PALS1: variants seen among roughly 807,000 people sequenced by gnomAD.
The protein encoded by PALS1 is protein associated with LIN7 1, MAGUK p55 family member.
PALS1 carries 31 observed loss-of-function variants against 78.9 expected under a neutral mutation model. The ratio of observed to expected loss-of-function variants is 0.39; its 90% CI spans 0.30 to 0.53. The LOEUF (loss-of-function observed/expected upper bound fraction) is 0.53, where lower values mean the gene tolerates loss of function less well. PALS1 is among the 20% of genes least tolerant of loss of function. The pLI is 0.67. For missense variants in PALS1, 704 were observed against 826.5 expected, an observed-to-expected ratio of 0.85 and a Z score of 1.82; for synonymous variants, 276 against 270.9, an observed-to-expected ratio of 1.02 and a Z score of -0.18.
At chr14:67,277,626 A>T (rs899375037) in intron 2 of PALS1, among the ~76,000 whole-genome samples, 1 of 152,200 alleles carries the variant, frequency 6.6e-6, no homozygotes, top group Non-Finnish European at 1.5e-5. Flanking sequence ...ATTAGATTTA[A>T]TGTGTGGGTT....
chr14:67,318,903 AAAAAATT>A (rs2085218896), intron 11 of PALS1, among the ~76,000 whole-genome samples: 1 of 152,068 alleles, frequency 6.6e-6, no homozygotes, highest in South Asian at 2.1e-4. Context: ...TAAAAAATAC[AAAAAATT>A]AGCCAGGCGT....
chr14:67,330,154 AATTATT>A (rs766433142), intron 14 of PALS1, among the ~76,000 whole-genome samples: 4 of 105,728 alleles, frequency 3.8e-5, no homozygotes, highest in Non-Finnish European at 6.7e-5. Context: ...TAATAATAAT[AATTATT>A]ATTATTATTA....
chr14:67,328,013 G>A (rs1432439899), intron 14 of PALS1, among the ~76,000 whole-genome samples: 1 of 152,186 alleles, frequency 6.6e-6, no homozygotes, highest in Non-Finnish European at 1.5e-5. Context: ...TGGGATGGCT[G>A]GGTCAAATGG....
intron 14 of PALS1, among the ~76,000 whole-genome samples, chr14:67,328,843 G>C (rs1475574914): frequency 6.6e-6 from 1 of 152,186 alleles, no homozygotes; most frequent in East Asian, 1.9e-4. Flanking sequence ...CTGTATCTCT[G>C]TTTTGGTACC....
Position 67,279,257 on chromosome 14 carries a change from T to C in PALS1, c.87T>C (p.His29=). The change falls in exon 3 of 15, where the codon CAT becomes CAC. Residue 29 remains histidine (H), a synonymous_variant. Coordinates refer to ENST00000261681, the MANE Select transcript of PALS1 (RefSeq NM_022474.4). ...KNVDLASPEE[H]QKHREMAVDC... ...TTGATCTTGCATCACCAGAGGAACA[T>C]CAGAAGCACCGAGAGATGGCTGTTG... 1 of 1,613,606 alleles carries C rather than the reference T, an allele frequency of 6.2e-7. No homozygotes were observed.
At chr14:67,245,820 C>A (rs1453084097) in intron 1 of PALS1, among the ~76,000 whole-genome samples, 2 of 150,366 alleles carry the variant, frequency 1.3e-5, no homozygotes, top group Non-Finnish European at 2.9e-5. Context: ...AATATTGTAT[C>A]TAAGAACTCT....
chr14:67,272,410 T>C (rs1217523282), intron 2 of PALS1, among the ~76,000 whole-genome samples: 1 of 152,190 alleles, frequency 6.6e-6, no homozygotes, highest in Non-Finnish European at 1.5e-5. Context: ...GAAATGGGCA[T>C]ATTTGGATCT....
In PALS1 at chr14:67,323,795, G is replaced by A; in HGVS notation, c.1834G>A (p.Glu612Lys). ...AAGACTTCGGGCATTATTGGCCAAA[G>A]AAGGCAAGAATCCAAAGGTAAAGTT... is the stretch of plus-strand genomic sequence containing the variant. Reference protein sequence around the residue: ...QERLRALLAKEGKNPKPEELR... With the variant: ...QERLRALLAKKGKNPKPEELR... The change falls in exon 14 of 15, where the codon GAA becomes AAA. Residue 612 changes from glutamate (E) to lysine (K), a missense_variant. Transcript: ENST00000261681. 6.4e-7 allele frequency: 1 copy of A among 1,573,516 alleles called. No individual in the cohort carries two copies. Among genetic ancestry groups the A allele is most frequent in the Non-Finnish European group, 8.7e-7 (1 of 1,154,610 alleles).
chr14:67,328,988 A>G (rs1305653393), intron 14 of PALS1, among the ~76,000 whole-genome samples: 1 of 152,062 alleles, frequency 6.6e-6, no homozygotes, highest in South Asian at 2.1e-4. Context: ...TATGAACTTT[A>G]AAGTAGTTTT....
intron 14 of PALS1, among the ~76,000 whole-genome samples, chr14:67,328,399 T>G (rs944918519): frequency 2.0e-5 from 3 of 152,248 alleles, no homozygotes; most frequent in African/African-American, 7.2e-5. Context: ...GTCAGATGGG[T>G]AGATGGTAAA....
intron 8 of PALS1, among the ~76,000 whole-genome samples, chr14:67,308,878 G>C (rs1197443787): frequency 2.0e-5 from 3 of 151,852 alleles, no homozygotes; most frequent in Non-Finnish European, 1.5e-5. Context: ...CTTCTTGATT[G>C]GTTGAAAAAC....
rs983427947 is a variant in PALS1, at chr14:67,284,690, T to C, written c.367+5153T>C. On this transcript the variant is annotated intron_variant, in intron 3 of 14. Coordinates refer to ENST00000261681, the MANE Select transcript of PALS1 (RefSeq NM_022474.4). ...TGGCCCTTGACAACCACGAATATAC[T>C]TTCTTTTTGGATTTGCTTATTCTAG... Among the ~76,000 whole-genome samples the C allele has an allele frequency of 3.3e-5, 5 of 151,294 alleles. No homozygotes were observed. In the South Asian group the frequency reaches 1.0e-3, roughly 32 times the overall value.
chr14:67,243,555 C>G (rs2083938425), intron 1 of PALS1, among the ~76,000 whole-genome samples: 1 of 143,242 alleles, frequency 7.0e-6, no homozygotes, highest in South Asian at 2.2e-4. Context: ...TGCAGTGGCG[C>G]AATCTCGGCT....
chr14:67,324,353 C>G (rs1038172825), intron 14 of PALS1, among the ~76,000 whole-genome samples: 30 of 152,100 alleles, frequency 2.0e-4, no homozygotes, highest in African/African-American at 6.0e-4. Context: ...ACAGCATTGA[C>G]TTTTTATTTA....
intron 2 of PALS1, chr14:67,271,810 C>T (rs10083468): frequency 0.12 from 17,533 of 152,176 alleles, 1,679 homozygotes; most frequent in African/African-American, 0.27. Context: ...CGGTGGCTCA[C>T]GCCTGTAATC....
chr14:67,278,038 C>CTT (rs1227955769), intron 2 of PALS1, among the ~76,000 whole-genome samples: 6 of 138,782 alleles, frequency 4.3e-5, no homozygotes, highest in Non-Finnish European at 6.3e-5. Flanking sequence ...AACCCCAATT[C>CTT]TTTTTTTTTT....
At chr14:67,249,872 C>T (rs746592403) in intron 1 of PALS1, among the ~76,000 whole-genome samples, 18 of 152,140 alleles carry the variant, frequency 1.2e-4, no homozygotes, top group Non-Finnish European at 1.9e-4. Context: ...ATTCGTTTAA[C>T]GTGATTGCTT....
chr14:67,245,184 T>C, intron 1 of PALS1, among the ~76,000 whole-genome samples: 1 of 152,328 alleles, frequency 6.6e-6, no homozygotes, highest in Non-Finnish European at 1.5e-5. Flanking sequence ...AGCCACTAAA[T>C]TTGTGGCAAT....
chr14:67,329,320 T>C (rs1040723077), intron 14 of PALS1, among the ~76,000 whole-genome samples: 14 of 152,376 alleles, frequency 9.2e-5, no homozygotes, highest in Admixed American at 1.3e-4. Flanking sequence ...TTTCTGCACA[T>C]TGATTTTGTA....
Sources: allele counts gnomAD v4.1 joint callset (sites outside exome capture counted in the v4.1 genomes callset), GRCh38; gene constraint gnomAD v4.1.1; transcripts MANE v1.5; gene names NCBI Gene and HGNC (gene_info 2026-07-23, HGNC 2026-07-21).